Variants in THSD7A observed in about 807,000 individuals in gnomAD.
The protein encoded by THSD7A is thrombospondin type 1 domain containing 7A, also known as thrombospondin type-1 domain-containing protein 7A.
A neutral mutation model predicts 231.3 loss-of-function variants in THSD7A; 96 were observed. The observed-to-expected ratio is 0.41, with a 90% confidence interval of 0.35 to 0.49. THSD7A has a LOEUF of 0.49. Among genes scored for constraint, THSD7A ranks in the 20% least tolerant of loss-of-function variants. THSD7A has a pLI of 0.05. For synonymous variants in THSD7A, 940 were observed against 743.3 expected, an observed-to-expected ratio of 1.26 and a Z score of -4.30; for missense variants, 2,290 against 2,070.2, an observed-to-expected ratio of 1.11 and a Z score of -2.06.
Position 11,636,561 on chromosome 7 carries a change from C to G in THSD7A, c.591G>C (p.Val197=). 1 of 1,613,978 alleles carries G rather than the reference C, an allele frequency of 6.2e-7. No individual in the cohort carries two copies. The highest frequency in any genetic ancestry group is 8.5e-7 in the Non-Finnish European group (1 of 1,179,888). ...ATTCGGACCAGGCAGAAAATTCAGA[C>G]ACGATGCAATCTTGCTGGCAAGGAA... ...CLIPCQQDCI[V]SEFSAWSECS... The change falls in exon 2 of 28, where the codon GTG becomes GTC. Residue 197 remains valine, a synonymous_variant. Transcript: ENST00000423059. This position sits in a 1 kb window ranked among gnomAD's most constrained non-coding sequence, Gnocchi z 10.0.
At chr7:11,479,127 A>G (rs1026282662) in intron 7 of THSD7A, among the ~76,000 whole-genome samples, 1 of 152,152 alleles carries the variant, frequency 6.6e-6, no homozygotes, top group Non-Finnish European at 1.5e-5. Flanking sequence ...GAGTTACCCA[A>G]AACTGTAGCT....
At chr7:11,390,199 G>C (rs1249734238) in intron 23 of THSD7A, among the ~76,000 whole-genome samples, 1 of 151,944 alleles carries the variant, frequency 6.6e-6, no homozygotes, top group Non-Finnish European at 1.5e-5. Context: ...ATAATATCCT[G>C]AAGAGTGTTT....
intron 1 of THSD7A, among the ~76,000 whole-genome samples, chr7:11,768,390 T>C (rs1209392225): frequency 1.3e-5 from 2 of 152,146 alleles, no homozygotes; most frequent in Admixed American, 6.5e-5. Context: ...CCATAGGATA[T>C]ATATAACAAT....
chr7:11,594,873 C>T (rs1271408984), intron 2 of THSD7A, among the ~76,000 whole-genome samples: 2 of 152,176 alleles, frequency 1.3e-5, no homozygotes, highest in East Asian at 3.9e-4. Flanking sequence ...CAGGTGTCTA[C>T]TGTTAAAGTG....
At chr7:11,750,596 T>G (rs1258958686) in intron 1 of THSD7A, among the ~76,000 whole-genome samples, 2 of 151,874 alleles carry the variant, frequency 1.3e-5, no homozygotes, top group Non-Finnish European at 2.9e-5. Flanking sequence ...CCCAATCAAG[T>G]AAGGTGCCAT....
At chr7:11,760,054 T>C (rs1411513206) in intron 1 of THSD7A, among the ~76,000 whole-genome samples, 2 of 152,034 alleles carry the variant, frequency 1.3e-5, no homozygotes, top group African/African-American at 4.8e-5. Context: ...GAGGGGTGGT[T>C]AGATTTAAAG....
intron 6 of THSD7A, among the ~76,000 whole-genome samples, chr7:11,516,744 T>C (rs1457920884): frequency 6.6e-6 from 1 of 152,214 alleles, no homozygotes; most frequent in Non-Finnish European, 1.5e-5. Flanking sequence ...AAATATAAAA[T>C]GTTATTTGAA....
intron 22 of THSD7A, among the ~76,000 whole-genome samples, chr7:11,405,115 C>A (rs899953713): frequency 2.0e-5 from 3 of 149,896 alleles, no homozygotes; most frequent in African/African-American, 7.4e-5. Flanking sequence ...TTCAGTTCAT[C>A]TTAAACTATA....
At chr7:11,537,870 C>T (rs1788977478) in intron 6 of THSD7A, among the ~76,000 whole-genome samples, 1 of 152,206 alleles carries the variant, frequency 6.6e-6, no homozygotes, top group Non-Finnish European at 1.5e-5. Flanking sequence ...CTCATCTCCA[C>T]ATGTGCTTAG....
rs1363207226 is a variant in THSD7A, at chr7:11,593,365, A to G, written c.1160T>C (p.Val387Ala). Residue 387 changes from valine to alanine, a missense_variant, in exon 3 of 28, where the codon GTA becomes GCA. Physicochemically the swap from Val to Ala is moderately conservative, Grantham distance 64 (BLOSUM62 0). Coordinates refer to ENST00000423059, the MANE Select transcript of THSD7A (RefSeq NM_015204.3). ...AAACTGCCTGATGGTTCGTGTCCTT[A>G]CACGAGTGCCTGCAGGGGACACCAT... ...HDMVSPAGTR[V>A]RTRTIRQFPI... The G allele has an allele frequency of 1.9e-6, 3 of 1,614,016 alleles. No homozygotes were observed. The highest frequency in any genetic ancestry group is 2.5e-6 in the Non-Finnish European group (3 of 1,179,884).
chr7:11,473,637 A>G (rs1241971931), intron 8 of THSD7A, among the ~76,000 whole-genome samples: 1 of 152,172 alleles, frequency 6.6e-6, no homozygotes, highest in African/African-American at 2.4e-5. Flanking sequence ...TGATTAGCTC[A>G]GTTATGCCAT....
At chr7:11,711,209 T>C (rs1408529667) in intron 1 of THSD7A, among the ~76,000 whole-genome samples, 1 of 150,944 alleles carries the variant, frequency 6.6e-6, no homozygotes, top group Non-Finnish European at 1.5e-5. Flanking sequence ...ACTGATACTT[T>C]TGTGCCAGAG....
intron 1 of THSD7A, among the ~76,000 whole-genome samples, chr7:11,700,603 G>A (rs1031382247): frequency 2.6e-5 from 4 of 151,110 alleles, no homozygotes; most frequent in Admixed American, 1.3e-4. Context: ...GTGTTTTCAT[G>A]TTTTGTTCAT....
intron 1 of THSD7A, among the ~76,000 whole-genome samples, chr7:11,721,386 T>C (rs997055888): frequency 1.3e-5 from 2 of 151,792 alleles, no homozygotes; most frequent in Non-Finnish European, 2.9e-5. Context: ...TTTAAAGGTG[T>C]GTAGCATCTC....
intron 3 of THSD7A, among the ~76,000 whole-genome samples, chr7:11,592,502 T>A (rs1780205001): frequency 6.6e-6 from 1 of 152,220 alleles, no homozygotes; most frequent in South Asian, 2.1e-4. Flanking sequence ...TTGGAAATTA[T>A]ATTTTAATAC....
chr7:11,614,664 C>T (rs1781046158), intron 2 of THSD7A, among the ~76,000 whole-genome samples: 2 of 152,188 alleles, frequency 1.3e-5, no homozygotes. Flanking sequence ...GCCTTGTTAT[C>T]AATGACAGAA....
At chr7:11,762,110 C>T (rs1361441038) in intron 1 of THSD7A, among the ~76,000 whole-genome samples, 1 of 152,130 alleles carries the variant, frequency 6.6e-6, no homozygotes, top group African/African-American at 2.4e-5. Flanking sequence ...CATAGTATTC[C>T]ATGGTGTATA....
At chr7:11,691,729 T>C (rs143771769) in intron 1 of THSD7A, among the ~76,000 whole-genome samples, 1 of 151,566 alleles carries the variant, frequency 6.6e-6, no homozygotes, top group East Asian at 2.0e-4. Flanking sequence ...AGTCATATTA[T>C]TTAATTACAT....
intron 1 of THSD7A, among the ~76,000 whole-genome samples, chr7:11,733,616 A>G (rs1781810160): frequency 6.6e-6 from 1 of 151,814 alleles, no homozygotes; most frequent in Non-Finnish European, 1.5e-5. Flanking sequence ...GGCAGCGTCT[A>G]CACAGAAGGC....
Sources: allele counts gnomAD v4.1 joint callset (sites outside exome capture counted in the v4.1 genomes callset), GRCh38; gene constraint gnomAD v4.1.1; non-coding constraint Gnocchi (gnomAD v3.1); transcripts MANE v1.5; gene names NCBI Gene and HGNC (gene_info 2026-07-23, HGNC 2026-07-21).